PEX14: variants seen among roughly 807,000 people sequenced by gnomAD.
PEX14 encodes peroxisomal biogenesis factor 14.
In PEX14, 15 loss-of-function variants were observed where a neutral mutation model predicts 49.5. The observed-to-expected ratio is 0.30, with a 90% CI of 0.20 to 0.47. PEX14 has a LOEUF of 0.47. PEX14 is among the 20% of genes least tolerant of loss of function. The pLI is 1.00. For synonymous variants in PEX14, 210 were observed against 212.7 expected (o/e 0.99, Z 0.11); for missense variants, 398 against 494.8 (o/e 0.80, Z 1.86).
intron 2 of PEX14, among the ~76,000 whole-genome samples, chr1:10,498,699 T>C (rs1641613999): frequency 6.6e-6 from 1 of 152,208 alleles, no homozygotes; most frequent in South Asian, 2.1e-4. Context: ...ATCATGTCAT[T>C]AGGGCTAGAG....
intron 4 of PEX14, among the ~76,000 whole-genome samples, chr1:10,601,612 A>T (rs900873045): frequency 1.3e-5 from 2 of 152,184 alleles, no homozygotes; most frequent in East Asian, 3.8e-4. Flanking sequence ...AGTGCCTTGC[A>T]TGGGTGACCC....
intron 2 of PEX14, among the ~76,000 whole-genome samples, chr1:10,503,479 A>T (rs1423837741): frequency 6.6e-6 from 1 of 151,294 alleles, no homozygotes; most frequent in Non-Finnish European, 1.5e-5. Context: ...TGAAGACGTG[A>T]TCTACAAAAC....
At chr1:10,581,388 C>T (rs1640312708) in intron 3 of PEX14, among the ~76,000 whole-genome samples, 1 of 149,510 alleles carries the variant, frequency 6.7e-6, no homozygotes, top group Non-Finnish European at 1.5e-5. Context: ...CTCACTGCAA[C>T]CTGTGTCTCC....
intron 7 of PEX14, among the ~76,000 whole-genome samples, chr1:10,625,621 C>T (rs1041513508): frequency 1.3e-5 from 2 of 152,228 alleles, no homozygotes; most frequent in African/African-American, 4.8e-5. Flanking sequence ...CACCTCCAGC[C>T]ACTGCAATGC....
intron 3 of PEX14, among the ~76,000 whole-genome samples, chr1:10,580,348 C>T (rs944825203): frequency 6.6e-6 from 1 of 152,050 alleles, no homozygotes; most frequent in African/African-American, 2.4e-5. Context: ...CCTTGGCCTC[C>T]CGGGTAGCTG....
chr1:10,599,501 C>A, intron 4 of PEX14, 135 bp downstream of exon 4: 1 of 1,032,036 alleles, frequency 9.7e-7, no homozygotes, highest in Non-Finnish European at 1.5e-6. Flanking sequence ...GGGTTTTTCC[C>A]AAGGAATGTG....
At chr1:10,579,732 C>T (rs1640256746) in intron 3 of PEX14, among the ~76,000 whole-genome samples, 1 of 152,090 alleles carries the variant, frequency 6.6e-6, no homozygotes. Flanking sequence ...ACTGCCATGG[C>T]ACTGGTGGGA....
chr1:10,609,753 C>T (rs1380694034), intron 4 of PEX14, among the ~76,000 whole-genome samples: 9 of 152,012 alleles, frequency 5.9e-5, no homozygotes, highest in African/African-American at 1.9e-4. Context: ...GCCGTGGTGG[C>T]GGGCGCCTGT....
chr1:10,486,624 A>G (rs1264446910), intron 1 of PEX14, among the ~76,000 whole-genome samples: 2 of 151,548 alleles, frequency 1.3e-5, no homozygotes, highest in Non-Finnish European at 2.9e-5. Flanking sequence ...CCAGCTTACA[A>G]TGAGCTATGT....
At chr1:10,577,550 ATATATATATATATTTTTTTTTTTTTTTT>A (rs1640169543) in intron 3 of PEX14, among the ~76,000 whole-genome samples, 9 of 12,960 alleles carry the variant, frequency 6.9e-4, no homozygotes, top group Non-Finnish European at 8.4e-4. Flanking sequence ...ATATATATAT[ATATATATATATATTTTTTTTTTTTTTTT>A]TTTTTTTTTT....
Position 10,577,020 on chromosome 1 carries a change from G to T in PEX14, c.170-22218G>T, listed in dbSNP as rs192086934. The stretch of plus-strand genomic sequence containing the variant: ...GCCTCCTAAAGCTCTAGGATTACAG[G>T]CGTGAGCCACCACACCCAGCCTAAT... On this transcript the variant is annotated intron_variant, in intron 3 of 8. Transcript: ENST00000356607. 1.0e-3 allele frequency among the ~76,000 whole-genome samples: 154 copies of T among 152,026 alleles called. 1 individual carries two copies. The highest frequency in any genetic ancestry group is 3.6e-3 in the African/African-American group (148 of 41,480).
chr1:10,524,854 A>G (rs958814996), intron 2 of PEX14, among the ~76,000 whole-genome samples: 1 of 152,190 alleles, frequency 6.6e-6, no homozygotes, highest in African/African-American at 2.4e-5. Context: ...GCTATTTAAA[A>G]AAAACAAATT....
At chr1:10,567,276 G>C (rs1294049345) in intron 3 of PEX14, among the ~76,000 whole-genome samples, 1 of 152,122 alleles carries the variant, frequency 6.6e-6, no homozygotes, top group Non-Finnish European at 1.5e-5. Flanking sequence ...TTTCTCCATT[G>C]ATTTGCAATG....
chr1:10,506,399 C>A (rs1034046671), intron 2 of PEX14, among the ~76,000 whole-genome samples: 1 of 152,278 alleles, frequency 6.6e-6, no homozygotes, highest in South Asian at 2.1e-4. Context: ...CTGTCTCAGC[C>A]TCCTGAGTAG....
At chr1:10,542,522 G>A (rs574526917) in intron 3 of PEX14, among the ~76,000 whole-genome samples, 59 of 152,310 alleles carry the variant, frequency 3.9e-4, no homozygotes, top group Non-Finnish European at 5.7e-4. Flanking sequence ...AGCACTTCGG[G>A]AGGCAGAGGC....
chr1:10,479,108 G>A (rs1435390267), intron 1 of PEX14, among the ~76,000 whole-genome samples: 2 of 151,900 alleles, frequency 1.3e-5, no homozygotes, highest in African/African-American at 4.8e-5. Context: ...TGGGCGTGAT[G>A]GCTCATACCT....
At chr1:10,627,482 C>T (rs1570373466) in intron 8 of PEX14, 119 bp downstream of exon 8, 7 of 746,714 alleles carry the variant, frequency 9.4e-6, no homozygotes, top group South Asian at 2.9e-5. Flanking sequence ...TCTGTCTGGG[C>T]GACTCAGGCA....
In PEX14 at chr1:10,526,940, C is replaced by T. The variant is rs574811336; in HGVS notation, c.85-9273C>T. ...CTAAAGAAAATTCTTAGGCTGGACA[C>T]GGTGGCCCACACCTGTAAATCCCAG... On this transcript the variant is annotated intron_variant, in intron 2 of 8. Coordinates refer to ENST00000356607, the MANE Select transcript of PEX14 (RefSeq NM_004565.3). Among the ~76,000 whole-genome samples the T allele has an allele frequency of 1.2e-3, 179 of 152,174 alleles. 1 individual carries two copies. Among genetic ancestry groups the T allele is most frequent in the Middle Eastern group, 6.8e-3 (2 of 294 alleles).
intron 3 of PEX14, among the ~76,000 whole-genome samples, chr1:10,593,568 C>T (rs569039659): frequency 6.6e-6 from 1 of 152,212 alleles, no homozygotes; most frequent in Non-Finnish European, 1.5e-5. Flanking sequence ...AGGGTAGTGA[C>T]ATGTGGAACT....
Sources: allele counts gnomAD v4.1 joint callset (sites outside exome capture counted in the v4.1 genomes callset), GRCh38; gene constraint gnomAD v4.1.1; transcripts MANE v1.5; gene names NCBI Gene and HGNC (gene_info 2026-07-23, HGNC 2026-07-21).